B3GLCT: variants seen among roughly 807,000 people sequenced by gnomAD.
B3GLCT encodes beta-1,3-glucosyltransferase.
In B3GLCT, 65 loss-of-function variants were observed where a neutral mutation model predicts 63.4. The observed-to-expected ratio is 1.03, with a 90% CI of 0.84 to 1.26. The LOEUF (loss-of-function observed/expected upper bound fraction) is 1.26, where lower values mean the gene tolerates loss of function less well. Among genes scored for constraint, B3GLCT ranks in the 50% most tolerant of loss-of-function variants. The pLI, the probability that B3GLCT is intolerant of heterozygous loss-of-function variation, is 0.00. For synonymous variants in B3GLCT, 233 were observed against 219.2 expected, an observed-to-expected ratio of 1.06 and a Z score of -0.55; for missense variants, 577 against 604.8, an observed-to-expected ratio of 0.95 and a Z score of 0.48.
Position 31,329,951 on chromosome 13 carries a change from T to G in B3GLCT, c.*283T>G. ...TCCAAGCTGTGATACAGCAGTTTTTTTTTATTGTCACAGGGAAATAAATGG... is the reference window on the plus strand; with the variant it reads ...TCCAAGCTGTGATACAGCAGTTTTTGTTTATTGTCACAGGGAAATAAATGG... On this transcript the variant is annotated 3_prime_UTR_variant, in exon 15 of 15. Coordinates refer to ENST00000343307, the MANE Select transcript of B3GLCT (RefSeq NM_194318.4). 2.4e-6 allele frequency: 1 copy of G among 422,272 alleles called. No individual in the cohort carries two copies. The highest frequency in any genetic ancestry group is 2.3e-5 in the South Asian group (1 of 43,824). The allele number at this position is 422,272 out of a possible 1,614,324, so 26.2% of individuals were successfully genotyped here. A position where few individuals can be genotyped will look rare whatever the true frequency, so the allele number is the denominator to read the frequency against.
intron 12 of B3GLCT, among the ~76,000 whole-genome samples, chr13:31,289,144 G>A (rs748942596): frequency 6.6e-6 from 1 of 151,842 alleles, no homozygotes; most frequent in Non-Finnish European, 1.5e-5. Context: ...CCAAGCAGAA[G>A]GAGGAATTTC....
chr13:31,285,421 G>A (rs931881297), intron 11 of B3GLCT, among the ~76,000 whole-genome samples: 8 of 151,810 alleles, frequency 5.3e-5, no homozygotes, highest in Non-Finnish European at 1.2e-4. Context: ...ACAATATGTC[G>A]ATGTTACAAA....
intron 3 of B3GLCT, among the ~76,000 whole-genome samples, chr13:31,228,480 A>G (rs1325938218): frequency 6.6e-6 from 1 of 152,310 alleles, no homozygotes; most frequent in Non-Finnish European, 1.5e-5. Context: ...GAAGTCTGAC[A>G]TCAAGGTGTG....
chr13:31,271,741 A>G (rs1872581561), intron 8 of B3GLCT, among the ~76,000 whole-genome samples: 1 of 151,944 alleles, frequency 6.6e-6, no homozygotes, highest in Non-Finnish European at 1.5e-5. Flanking sequence ...TCAATCCTTC[A>G]TTTTACTTTT....
At chr13:31,324,043 T>A in intron 14 of B3GLCT, 148 bp downstream of exon 14, 9 of 1,083,428 alleles carry the variant, frequency 8.3e-6, no homozygotes, top group Non-Finnish European at 1.3e-5. Flanking sequence ...TAACCAGGAC[T>A]GTTACCCTGT....
At chr13:31,208,512 A>G (rs934354698) in intron 1 of B3GLCT, among the ~76,000 whole-genome samples, 3 of 148,964 alleles carry the variant, frequency 2.0e-5, no homozygotes, top group African/African-American at 7.4e-5. Flanking sequence ...GCCTTCCCTC[A>G]CACGTGCTAC....
chr13:31,252,335 A>C (rs1479942399), intron 6 of B3GLCT, among the ~76,000 whole-genome samples: 2 of 152,228 alleles, frequency 1.3e-5, no homozygotes, highest in Non-Finnish European at 2.9e-5. Context: ...ACCAGCTAGC[A>C]TCAAAATGGC....
At chr13:31,246,872 G>C in intron 4 of B3GLCT, 151 bp from the exon 5 acceptor site, 1 of 652,212 alleles carries the variant, frequency 1.5e-6, no homozygotes. Flanking sequence ...GGTTTGAAGA[G>C]TACCATGTCA....
chr13:31,308,663 T>G (rs1241398817), intron 12 of B3GLCT, among the ~76,000 whole-genome samples: 1 of 152,190 alleles, frequency 6.6e-6, no homozygotes, highest in Non-Finnish European at 1.5e-5. Context: ...CCTAAATTAG[T>G]TATTCTCATA....
chr13:31,255,189 C>T (rs570534973), intron 6 of B3GLCT, among the ~76,000 whole-genome samples: 1 of 152,236 alleles, frequency 6.6e-6, no homozygotes, highest in African/African-American at 2.4e-5. Flanking sequence ...CATGAATGAA[C>T]TCCCATTCAC....
chr13:31,244,220 G>A (rs916703552), intron 4 of B3GLCT, among the ~76,000 whole-genome samples: 6 of 152,288 alleles, frequency 3.9e-5, no homozygotes, highest in Admixed American at 2.0e-4. Flanking sequence ...GACTGGGCAC[G>A]GTGGCTCATG....
chr13:31,276,828 A>G (rs1806817907), intron 10 of B3GLCT, 57 bp downstream of exon 10: 1 of 1,236,104 alleles, frequency 8.1e-7, no homozygotes, highest in Non-Finnish European at 1.2e-6. Context: ...CCTTCTAAAG[A>G]AAAGTACCAA....
chr13:31,297,402 G>A (rs1318281811), intron 12 of B3GLCT, among the ~76,000 whole-genome samples: 1 of 136,942 alleles, frequency 7.3e-6, no homozygotes, highest in Admixed American at 7.6e-5. Context: ...TTTGATAGTC[G>A]CTATTCTAGT....
At chr13:31,232,426 GA>G (rs398098738) in intron 4 of B3GLCT, among the ~76,000 whole-genome samples, 1 of 152,020 alleles carries the variant, frequency 6.6e-6, no homozygotes, top group Non-Finnish European at 1.5e-5. Flanking sequence ...GGGTTAGAGA[GA>G]GAGGGGAGGT....
intron 4 of B3GLCT, among the ~76,000 whole-genome samples, chr13:31,245,439 T>C (rs1025716753): frequency 3.3e-5 from 5 of 152,216 alleles, no homozygotes; most frequent in Non-Finnish European, 7.3e-5. Context: ...ATATATCTCA[T>C]TGTTCTATCA....
chr13:31,275,568 C>T (rs568998097), intron 9 of B3GLCT, among the ~76,000 whole-genome samples: 3 of 152,336 alleles, frequency 2.0e-5, no homozygotes, highest in South Asian at 2.1e-4. Context: ...TGCCTTTCAT[C>T]TCAATGACAG....
chr13:31,251,446 G>A (rs9542525), intron 6 of B3GLCT, among the ~76,000 whole-genome samples: 96,537 of 152,054 alleles, frequency 0.63, 31,440 homozygotes, highest in East Asian at 0.99. Flanking sequence ...TTCTAACCCA[G>A]TGCAAGGAAG....
At chr13:31,247,321 G>A (rs913361398) in intron 5 of B3GLCT, among the ~76,000 whole-genome samples, 2 of 151,732 alleles carry the variant, frequency 1.3e-5, no homozygotes, top group African/African-American at 2.4e-5. Flanking sequence ...TCGCTCTGTC[G>A]CCAGGCTGGA....
chr13:31,253,295 TAAAAG>T (rs1311822078), intron 6 of B3GLCT, among the ~76,000 whole-genome samples: 5 of 151,666 alleles, frequency 3.3e-5, no homozygotes, highest in Non-Finnish European at 7.4e-5. Flanking sequence ...ACATCACAAT[TAAAAG>T]AATAGAGAAG....
Sources: allele counts gnomAD v4.1 joint callset (sites outside exome capture counted in the v4.1 genomes callset), GRCh38; gene constraint gnomAD v4.1.1; transcripts MANE v1.5; gene names NCBI Gene and HGNC (gene_info 2026-07-23, HGNC 2026-07-21).